PMCH: variants seen among roughly 807,000 people sequenced by gnomAD.
PMCH encodes pro-MCH.
PMCH carries 8 observed loss-of-function variants against 15.9 expected under a neutral mutation model. The observed-to-expected ratio is 0.50, with a 90% CI of 0.29 to 0.91. The LOEUF is 0.91. Ranked by LOEUF, PMCH falls within the 40% of genes least tolerant of loss-of-function variation. The pLI is 0.07. For synonymous variants in PMCH, 73 were observed against 63.8 expected, an observed-to-expected ratio of 1.14 and a Z score of -0.69; for missense variants, 169 against 185.7, an observed-to-expected ratio of 0.91 and a Z score of 0.52.
intron 1 of PMCH, 64 bp from the exon 2 acceptor site, chr12:102,197,235 G>T: frequency 1.6e-6 from 2 of 1,253,084 alleles, no homozygotes; most frequent in Non-Finnish European, 2.3e-6. Context: ...TAATACAATT[G>T]TATAATATTC....
At position 102,197,728 on chromosome 12, in the gene PMCH, AAGTT is replaced by A. The variant is rs754648021; in HGVS notation, c.39_42del (p.Thr14PhefsTer16). ...AAAATACCTTGAGAAAACAAAGAAA[AAGTT>A]AGTATTAATATATAGGAAGAGAGAT... On this transcript the variant is annotated frameshift_variant, in exon 1 of 3. Transcript: ENST00000329406. LOFTEE classifies it high-confidence loss of function. 2.5e-6 allele frequency: 4 copies of A among 1,601,942 alleles called. No individual in the cohort carries two copies.
chr12:102,196,839 C>A, intron 2 of PMCH, 134 bp downstream of exon 2: 1 of 1,049,198 alleles, frequency 9.5e-7, no homozygotes, highest in Non-Finnish European at 1.4e-6. Flanking sequence ...CTATTTAATC[C>A]CACATTTTTG....
chr12:102,197,620 C>T lies in PMCH; in HGVS notation c.151G>A (p.Glu51Lys). ...ATAACTGATTTTTCTGCAGTGTCTT[C>T]CTTCTGAAAGCCTTTCCCCAACCTG... ...TFRLGKGFQK[E>K]DTAEKSVIAP... Residue 51 changes from glutamate (E) to lysine (K), a missense_variant, in exon 1 of 3, where the codon GAA (glutamate) becomes AAA (lysine). Transcript: ENST00000329406. 2.5e-6 allele frequency: 4 copies of T among 1,612,092 alleles called. No homozygotes were observed. The Middle Eastern group carries it at 6.6e-4, about 266-fold the overall frequency.
At position 102,197,510 on chromosome 12, in the gene PMCH, A is replaced by G. The variant is rs775168676; in HGVS notation, c.249+12T>C. 1 of 1,590,536 alleles carries G rather than the reference A, an allele frequency of 6.3e-7. No homozygotes were observed. Among genetic ancestry groups the G allele is most frequent in the Non-Finnish European group, 8.5e-7 (1 of 1,171,064 alleles). On this transcript the variant is annotated intron_variant, in intron 1 of 2. Transcript: ENST00000329406. ...TTCATTGAAATAAACGACAAGTCAC[A>G]TTGCCACTTACCTTTGAAACTTTAT...
In PMCH at chr12:102,197,515, C is replaced by A. The variant is rs764012377; in HGVS notation, c.249+7G>T. On this transcript the variant is annotated splice_region_variant and intron_variant, in intron 1 of 2. Transcript: ENST00000329406. ...TGAAATAAACGACAAGTCACATTGC[C>A]ACTTACCTTTGAAACTTTATTTTCC... 5 of 1,597,290 alleles carry A rather than the reference C, an allele frequency of 3.1e-6. No individual in the cohort carries two copies. Among genetic ancestry groups the A allele is most frequent in the Non-Finnish European group, 4.3e-6 (5 of 1,173,510 alleles).
At position 102,197,757 on chromosome 12, in the gene PMCH, T is replaced by C; in HGVS notation, c.14A>G (p.Asn5Ser). The C allele has an allele frequency of 6.3e-7, 1 of 1,581,084 alleles. No individual in the cohort carries two copies. Among genetic ancestry groups the C allele is most frequent in the East Asian group, 2.3e-5 (1 of 44,170 alleles). MAKM[N>S]LSSYILILTF... Reference sequence around the variant, plus strand: ...TAGTATTAATATATAGGAAGAGAGATTCATTTTTGCCATTCTTAGTTTGAT... The same window carrying C: ...TAGTATTAATATATAGGAAGAGAGACTCATTTTTGCCATTCTTAGTTTGAT... The change falls in exon 1 of 3, where the codon AAT becomes AGT. Residue 5 changes from asparagine (N) to serine (S), a missense_variant. Physicochemically the swap from Asn to Ser is conservative, Grantham distance 46. Transcript: ENST00000329406.
rs567890950 is a variant in PMCH, at chr12:102,197,645, G to C, written c.126C>G (p.Phe42Leu). The change falls in exon 1 of 3, where the codon TTC (phenylalanine) becomes TTG (leucine). Residue 42 changes from phenylalanine to leucine, a missense_variant. Transcript: ENST00000329406. ...NLDDDMVFNT[F>L]RLGKGFQKED... ...CCTTCTGAAAGCCTTTCCCCAACCT[G>C]AATGTATTAAATACCATGTCATCAT... is the stretch of plus-strand genomic sequence containing the variant. 6.2e-7 allele frequency: 1 copy of C among 1,612,046 alleles called. No individual in the cohort carries two copies. Among genetic ancestry groups the C allele is most frequent in the African/African-American group, 1.3e-5 (1 of 74,908 alleles).
At position 102,196,961 on chromosome 12, in the gene PMCH, A is replaced by G; in HGVS notation, c.448+12T>C. ...TAGGATGTAAGAATTGAATTTTGAA[A>G]AGACTACTCACTGTCAAAATCTCTC... On this transcript the variant is annotated intron_variant, in intron 2 of 2. Coordinates refer to ENST00000329406, the MANE Select transcript of PMCH (RefSeq NM_002674.4). The G allele has an allele frequency of 6.3e-7, 1 of 1,598,488 alleles. No individual in the cohort carries two copies. Among genetic ancestry groups the G allele is most frequent in the Non-Finnish European group, 8.6e-7 (1 of 1,167,382 alleles).
chr12:102,197,206 C>T (rs369591251), intron 1 of PMCH, 35 bp from the exon 2 acceptor site: 18 of 1,484,616 alleles, frequency 1.2e-5, no homozygotes, highest in African/African-American at 4.2e-5. Context: ...TTTTAGCTAT[C>T]GTATTCGGAG....
chr12:102,197,397 T>G, intron 1 of PMCH, 125 bp downstream of exon 1: 3 of 907,044 alleles, frequency 3.3e-6, no homozygotes, highest in Non-Finnish European at 3.4e-6. Flanking sequence ...TCAGTCGTCC[T>G]AATGCATATT....
chr12:102,197,135 G>T lies in PMCH; in HGVS notation c.286C>A (p.Leu96Met). The T allele has an allele frequency of 6.2e-7, 1 of 1,612,060 alleles. No homozygotes were observed. Among genetic ancestry groups the T allele is most frequent in the South Asian group, 1.1e-5 (1 of 91,024 alleles). The change falls in exon 2 of 3, where the codon CTG becomes ATG. Residue 96 changes from leucine to methionine, a missense_variant. Leu to Met is a conservative substitution (Grantham distance 15). Transcript: ENST00000329406. ...GSKHNFLNHGLPLNLAIKPYL... is the reference protein window; with the variant it reads ...GSKHNFLNHGMPLNLAIKPYL... ...GGTTTTATAGCCAGATTCAGTGGCAGACCATGATTTAAGAAATTATGTTTG... is the reference window on the plus strand; with the variant it reads ...GGTTTTATAGCCAGATTCAGTGGCATACCATGATTTAAGAAATTATGTTTG...
rs1891326623 is a variant in PMCH, at chr12:102,196,510, G to A, written c.*142C>T. 1 of 758,570 alleles carries A rather than the reference G, an allele frequency of 1.3e-6. No individual in the cohort carries two copies. The highest frequency in any genetic ancestry group is 2.2e-5 in the Admixed American group (1 of 45,316). The allele number at this position is 758,570 out of a possible 1,614,324, so 47.0% of individuals were successfully genotyped here. A position where few individuals can be genotyped will look rare whatever the true frequency, so the allele number is the denominator to read the frequency against. ...TGCACAGAGAAAGCATATCATTTCAGTTACTGATACATCTTAACACTACTT... is the reference window on the plus strand; with the variant it reads ...TGCACAGAGAAAGCATATCATTTCAATTACTGATACATCTTAACACTACTT... On this transcript the variant is annotated 3_prime_UTR_variant, in exon 3 of 3. Transcript: ENST00000329406.
chr12:102,197,455 T>C, intron 1 of PMCH, 67 bp downstream of exon 1: 1 of 1,409,790 alleles, frequency 7.1e-7, no homozygotes, highest in South Asian at 1.3e-5. Flanking sequence ...AGTTTTACTT[T>C]TCAGAGGATT....
In PMCH at chr12:102,196,609, T is replaced by C. The variant is rs1891332177; in HGVS notation, c.*43A>G. ...GCTTCTCCTCCCATTGGCAATTAAA[T>C]GCTTTTATTTTCTTCTGAAAAGATG... On this transcript the variant is annotated 3_prime_UTR_variant, in exon 3 of 3. Transcript: ENST00000329406. The C allele has an allele frequency of 6.9e-7, 1 of 1,448,012 alleles. No individual in the cohort carries two copies. Among genetic ancestry groups the C allele is most frequent in the South Asian group, 1.1e-5 (1 of 87,092 alleles). 89.7% of individuals were successfully genotyped at this position (1,448,012 alleles called of 1,614,324 possible).
rs767497084 is a variant in PMCH at position 102,197,659 on chromosome 12, C to G, written c.112G>C (p.Val38Leu). Reference sequence around the variant, plus strand: ...TTCCCCAACCTGAATGTATTAAATACCATGTCATCATCTAAATTTCTTATG... The same window carrying G: ...TTCCCCAACCTGAATGTATTAAATAGCATGTCATCATCTAAATTTCTTATG... Reference protein sequence around the residue: ...KSIRNLDDDMVFNTFRLGKGF... With the variant: ...KSIRNLDDDMLFNTFRLGKGF... The change falls in exon 1 of 3, where the codon GTA (valine) becomes CTA (leucine). Residue 38 changes from valine to leucine, a missense_variant. Coordinates refer to ENST00000329406, the MANE Select transcript of PMCH (RefSeq NM_002674.4). The G allele has an allele frequency of 7.4e-6, 12 of 1,611,896 alleles. No homozygotes were observed. Among genetic ancestry groups the G allele is most frequent in the Non-Finnish European group, 9.3e-6 (11 of 1,178,590 alleles).
chr12:102,196,521 A>C lies in PMCH; in HGVS notation c.*131T>G. On this transcript the variant is annotated 3_prime_UTR_variant, in exon 3 of 3. Transcript: ENST00000329406. ...AGCATATCATTTCAGTTACTGATAC[A>C]TCTTAACACTACTTTCTTTTAAAAC... The C allele has an allele frequency of 2.5e-6, 2 of 790,052 alleles. No homozygotes were observed. Among genetic ancestry groups the C allele is most frequent in the Non-Finnish European group, 4.4e-6 (2 of 453,722 alleles). 48.9% of individuals were successfully genotyped at this position (790,052 alleles called of 1,614,324 possible). A position where few individuals can be genotyped will look rare whatever the true frequency, so the allele number is the denominator to read the frequency against.
chr12:102,197,214 G>T lies in PMCH; in HGVS notation c.250-43C>A, dbSNP rs755212805. 14 of 1,383,298 alleles carry T rather than the reference G, an allele frequency of 1.0e-5. No individual in the cohort carries two copies. The East Asian group carries it at 3.0e-4, about 29-fold the overall frequency. 85.7% of individuals were successfully genotyped at this position (1,383,298 alleles called of 1,614,324 possible). A position where few individuals can be genotyped will look rare whatever the true frequency, so the allele number is the denominator to read the frequency against. On this transcript the variant is annotated intron_variant, in intron 1 of 2. Coordinates refer to ENST00000329406, the MANE Select transcript of PMCH (RefSeq NM_002674.4). The stretch of plus-strand genomic sequence containing the variant: ...ATTTGGTTTTTAGCTATCGTATTCG[G>T]AGTGGAACTATAATACAATTGTATA...
chr12:102,196,461 A>G lies in PMCH; in HGVS notation c.*191T>C, dbSNP rs1891324395. The G allele has an allele frequency of 1.4e-6, 1 of 724,006 alleles. No individual in the cohort carries two copies. The highest frequency in any genetic ancestry group is 2.4e-6 in the Non-Finnish European group (1 of 420,654). The allele number at this position is 724,006 out of a possible 1,614,324, so 44.8% of individuals were successfully genotyped here. ...TTAAAAATACTAGTAAGTCATAATT[A>G]TGCAGAATTTTCACAAAGTTTAATG... On this transcript the variant is annotated 3_prime_UTR_variant, in exon 3 of 3. Transcript: ENST00000329406.
At chr12:102,196,866 C>T (rs1891355720) in intron 2 of PMCH, 107 bp downstream of exon 2, 1 of 1,098,528 alleles carries the variant, frequency 9.1e-7, no homozygotes, top group Non-Finnish European at 1.3e-6. Flanking sequence ...GTAATTGAGC[C>T]ATGGTCTTAT....
Sources: allele counts gnomAD v4.1 joint callset, GRCh38; gene constraint gnomAD v4.1.1; transcripts MANE v1.5; gene names NCBI Gene and HGNC (gene_info 2026-07-23, HGNC 2026-07-21).